CACNA2D3: variants seen among roughly 807,000 people sequenced by gnomAD.
The protein encoded by CACNA2D3 is voltage-dependent calcium channel subunit alpha-2/delta-3.
Under a neutral mutation model 160.6 loss-of-function variants are expected in CACNA2D3, and 60 were observed. The ratio of observed to expected loss-of-function variants is 0.37; its 90% CI spans 0.30 to 0.46. The LOEUF is 0.46. CACNA2D3 is among the 20% of genes least tolerant of loss of function. CACNA2D3 has a pLI of 1.00. For missense variants in CACNA2D3, 1,205 were observed against 1,365.0 expected, an observed-to-expected ratio of 0.88 and a Z score of 1.85; for synonymous variants, 558 against 492.9, an observed-to-expected ratio of 1.13 and a Z score of -1.75.
rs141166468 is a variant in CACNA2D3 at position 54,436,863 on chromosome 3, T to C, written c.381+50089T>C. ...AAAACCTAGATGACGGGTTGATACA[T>C]GCAGCAAACCACCATGGCACATGTA... is the stretch of plus-strand genomic sequence containing the variant. On this transcript the variant is annotated intron_variant, in intron 4 of 37. Coordinates refer to ENST00000474759, the MANE Select transcript of CACNA2D3 (RefSeq NM_018398.3). Among the ~76,000 whole-genome samples, 633 of 152,180 alleles carry C rather than the reference T, an allele frequency of 4.2e-3. 7 individuals are homozygous for C. The highest frequency in any genetic ancestry group is 0.015 in the African/African-American group (605 of 41,528).
intron 2 of CACNA2D3, among the ~76,000 whole-genome samples, chr3:54,190,498 T>C (rs1193285177): frequency 6.6e-6 from 1 of 152,222 alleles, no homozygotes; most frequent in African/African-American, 2.4e-5. Context: ...CTTCCCCAAA[T>C]TGAGAGTTTT....
Position 54,969,784 on chromosome 3 carries a change from C to CT in CACNA2D3, c.2512-11dup. 10 of 1,612,114 alleles carry CT rather than the reference C, an allele frequency of 6.2e-6. No individual in the cohort carries two copies. Among genetic ancestry groups the CT allele is most frequent in the Non-Finnish European group, 7.6e-6 (9 of 1,178,918 alleles). On this transcript the variant is annotated splice_polypyrimidine_tract_variant and intron_variant, in intron 28 of 37. Transcript: ENST00000474759. The stretch of plus-strand genomic sequence containing the variant: ...TAACATAGTAACACATTTCCCTCCA[C>CT]TTTTTGCCTTCACAGTGTGCTTCCC...
intron 4 of CACNA2D3, among the ~76,000 whole-genome samples, chr3:54,418,723 G>A (rs535015024): frequency 4.7e-4 from 71 of 152,254 alleles, no homozygotes; most frequent in African/African-American, 1.6e-3. Flanking sequence ...GTTAGGAAGA[G>A]GATACCCTCC....
intron 26 of CACNA2D3, among the ~76,000 whole-genome samples, chr3:54,899,191 G>A (rs1334087005): frequency 1.3e-5 from 2 of 152,200 alleles, no homozygotes; most frequent in African/African-American, 4.8e-5. Context: ...TGGAACCATT[G>A]CTGGTAATTG....
At chr3:54,894,574 G>C (rs369112626) in intron 25 of CACNA2D3, 376 of 512,670 alleles carry the variant, frequency 7.3e-4, no homozygotes, top group African/African-American at 6.7e-3. Flanking sequence ...GTGCTGCATA[G>C]ACAGGGCACC....
chr3:54,660,773 C>T (rs1699954533), intron 11 of CACNA2D3, among the ~76,000 whole-genome samples: 1 of 152,198 alleles, frequency 6.6e-6, no homozygotes, highest in African/African-American at 2.4e-5. Flanking sequence ...AGACCCTTCT[C>T]TCGGCCCAGA....
chr3:54,421,631 GGTT>G (rs781702888), intron 4 of CACNA2D3, among the ~76,000 whole-genome samples: 21 of 152,062 alleles, frequency 1.4e-4, no homozygotes, highest in Non-Finnish European at 2.8e-4. Flanking sequence ...GTGGGGCAGC[GGTT>G]GTTGTCATAT....
intron 21 of CACNA2D3, among the ~76,000 whole-genome samples, chr3:54,884,406 G>T (rs1225565382): frequency 6.6e-6 from 1 of 152,184 alleles, no homozygotes; most frequent in Non-Finnish European, 1.5e-5. Flanking sequence ...TTGTGTGATA[G>T]GTCTAGTATT....
intron 4 of CACNA2D3, among the ~76,000 whole-genome samples, chr3:54,403,820 C>A (rs967187307): frequency 1.3e-5 from 2 of 151,890 alleles, no homozygotes; most frequent in African/African-American, 4.8e-5. Flanking sequence ...ATAACAGAAG[C>A]CTCAGAAATA....
At chr3:54,500,348 T>C (rs1413692483) in intron 4 of CACNA2D3, among the ~76,000 whole-genome samples, 1 of 152,208 alleles carries the variant, frequency 6.6e-6, no homozygotes, top group Non-Finnish European at 1.5e-5. Flanking sequence ...TAATCTACTC[T>C]GCCAGCCTCT....
intron 11 of CACNA2D3, among the ~76,000 whole-genome samples, chr3:54,674,973 G>T (rs1700215375): frequency 2.0e-5 from 3 of 152,138 alleles, no homozygotes; most frequent in Non-Finnish European, 4.4e-5. Flanking sequence ...GAAGAGACTA[G>T]AGAGAGCCAG....
At chr3:54,676,094 C>T (rs1700238218) in intron 11 of CACNA2D3, among the ~76,000 whole-genome samples, 1 of 152,160 alleles carries the variant, frequency 6.6e-6, no homozygotes, top group Non-Finnish European at 1.5e-5. Flanking sequence ...CCTCCAGTTC[C>T]TCGTCTTTAG....
intron 12 of CACNA2D3, among the ~76,000 whole-genome samples, chr3:54,763,859 A>G (rs57965704): frequency 0.011 from 45 of 3,916 alleles, 7 homozygotes; most frequent in South Asian, 0.029. Context: ...ATATATATAC[A>G]TATATATATA....
chr3:54,879,373 T>G lies in CACNA2D3; in HGVS notation c.1806T>G (p.Asn602Lys). ...DKGKRVLVMT[N>K]DYYYTDIKGT... ...AGAAACGGGTTTTGGTGATGACAAA[T>G]GACTACTATTATACAGACATCAAGG... is the stretch of plus-strand genomic sequence containing the variant. The change falls in exon 20 of 38, where the codon AAT (asparagine) becomes AAG (lysine). Residue 602 changes from asparagine (N) to lysine (K), a missense_variant. Around this residue, in one of 3 missense-constraint regions of CACNA2D3, gnomAD observed 911 missense variants for 1,002.2 expected, o/e 0.91. Transcript: ENST00000474759. 6.2e-7 allele frequency: 1 copy of G among 1,609,120 alleles called. No homozygotes were observed. Among genetic ancestry groups the G allele is most frequent in the Non-Finnish European group, 8.5e-7 (1 of 1,177,960 alleles).
At chr3:54,880,746 A>T in intron 20 of CACNA2D3, 50 bp from the exon 21 acceptor site, 1 of 1,445,124 alleles carries the variant, frequency 6.9e-7, no homozygotes, top group Non-Finnish European at 9.7e-7. Context: ...CCACAAGTCT[A>T]TTCGAGTCGA....
chr3:54,422,095 T>C (rs1699844435), intron 4 of CACNA2D3, among the ~76,000 whole-genome samples: 1 of 152,260 alleles, frequency 6.6e-6, no homozygotes, highest in Non-Finnish European at 1.5e-5. Flanking sequence ...TGTCTGCATG[T>C]CAGGGTTCAC....
At chr3:54,290,828 A>G (rs531326915) in intron 2 of CACNA2D3, among the ~76,000 whole-genome samples, 16 of 152,102 alleles carry the variant, frequency 1.1e-4, no homozygotes, top group Admixed American at 7.9e-4. Context: ...CAAACACCGC[A>G]TGTTCTCACT....
At chr3:54,717,749 G>GGTGTGTGCAAGCGTGTGTGTGGT in intron 11 of CACNA2D3, among the ~76,000 whole-genome samples, 1 of 78,994 alleles carries the variant, frequency 1.3e-5, no homozygotes, top group Admixed American at 1.5e-4. Context: ...TGTGTGGTGT[G>GGTGTGTGCAAGCGTGTGTGTGGT]GTGTGTGCAA....
At chr3:54,737,973 C>T (rs1377922514) in intron 11 of CACNA2D3, among the ~76,000 whole-genome samples, 2 of 152,250 alleles carry the variant, frequency 1.3e-5, no homozygotes, top group East Asian at 3.9e-4. Flanking sequence ...GCCAGAGGGA[C>T]TCTATCTTAT....
Sources: gnomAD v4.1 joint callset for allele counts (sites outside exome capture counted in the v4.1 genomes callset) on GRCh38, gnomAD v4.1.1 for gene constraint, gnomAD v4.1.1 regional missense constraint, MANE v1.5 for transcripts, NCBI Gene and HGNC (gene_info 2026-07-23, HGNC 2026-07-21) for gene names.